The following EBF1 variants were observed in gnomAD, a reference collection of about 807,000 sequenced individuals.
The protein encoded by EBF1 is EBF transcription factor 1.
In EBF1, 10 loss-of-function variants were observed where a neutral mutation model predicts 68.4. The observed-to-expected ratio is 0.15, with a 90% CI of 0.09 to 0.25. The LOEUF is 0.25. EBF1 is among the 10% of genes least tolerant of loss of function. The pLI is 1.00. For synonymous variants in EBF1, 298 were observed against 299.8 expected, an observed-to-expected ratio of 0.99 and a Z score of 0.06; for missense variants, 509 against 794.4, an observed-to-expected ratio of 0.64 and a Z score of 4.32.
chr5:158,826,532 T>G (rs1256724933), intron 7 of EBF1, among the ~76,000 whole-genome samples: 1 of 152,348 alleles, frequency 6.6e-6, no homozygotes, highest in East Asian at 1.9e-4. Flanking sequence ...TTCTTGAAGA[T>G]GTCCAAGTTA....
intron 6 of EBF1, among the ~76,000 whole-genome samples, chr5:158,879,264 A>T (rs980405430): frequency 6.6e-6 from 1 of 152,208 alleles, no homozygotes; most frequent in African/African-American, 2.4e-5. Flanking sequence ...GAGGCATCTT[A>T]TATGTCTTCA....
intron 8 of EBF1, among the ~76,000 whole-genome samples, chr5:158,808,633 C>T (rs994122010): frequency 2.0e-5 from 3 of 152,100 alleles, no homozygotes; most frequent in Non-Finnish European, 2.9e-5. Flanking sequence ...AGACAGCCCA[C>T]CTCATAGGAT....
intron 10 of EBF1, among the ~76,000 whole-genome samples, chr5:158,760,738 C>T (rs889792290): frequency 1.3e-5 from 2 of 152,100 alleles, no homozygotes; most frequent in Non-Finnish European, 2.9e-5. Flanking sequence ...AGCAGCAAGC[C>T]GCTCGATACC....
intron 6 of EBF1, among the ~76,000 whole-genome samples, chr5:159,040,156 T>C (rs937962965): frequency 1.1e-4 from 16 of 152,266 alleles, no homozygotes; most frequent in African/African-American, 3.9e-4. Flanking sequence ...AAAACAAAGC[T>C]GACCCTGGCC....
chr5:158,971,333 T>G (rs949886694), intron 6 of EBF1, among the ~76,000 whole-genome samples: 1 of 152,184 alleles, frequency 6.6e-6, no homozygotes, highest in African/African-American at 2.4e-5. Flanking sequence ...CGGCACTGTG[T>G]GGCCAGCCCA....
At chr5:158,845,822 A>G (rs1013929366) in intron 6 of EBF1, among the ~76,000 whole-genome samples, 1 of 152,284 alleles carries the variant, frequency 6.6e-6, no homozygotes, top group African/African-American at 2.4e-5. Context: ...ATCGTGGAGA[A>G]CTCCAGCCAG....
intron 6 of EBF1, among the ~76,000 whole-genome samples, chr5:159,042,526 T>C (rs1056872696): frequency 2.6e-5 from 4 of 151,918 alleles, no homozygotes; most frequent in Admixed American, 2.0e-4. Context: ...AACAATAAAC[T>C]TCCTCCAAAC....
At chr5:158,889,735 C>T (rs963381931) in intron 6 of EBF1, among the ~76,000 whole-genome samples, 1 of 152,118 alleles carries the variant, frequency 6.6e-6, no homozygotes, top group Non-Finnish European at 1.5e-5. Flanking sequence ...AATGAGCTAC[C>T]AGCAGAGTCA....
intron 10 of EBF1, among the ~76,000 whole-genome samples, chr5:158,758,059 G>A (rs145026259): frequency 6.6e-6 from 1 of 152,142 alleles, no homozygotes; most frequent in Non-Finnish European, 1.5e-5. Flanking sequence ...TTTATCATGT[G>A]CCAAGTACTT....
At chr5:158,705,761 C>G (rs923203047) in intron 15 of EBF1, among the ~76,000 whole-genome samples, 1 of 152,218 alleles carries the variant, frequency 6.6e-6, no homozygotes, top group Non-Finnish European at 1.5e-5. Flanking sequence ...CCTAGGACCA[C>G]AGGGCATGAG....
intron 6 of EBF1, among the ~76,000 whole-genome samples, chr5:158,864,487 G>A (rs1795519746): frequency 6.6e-6 from 1 of 152,150 alleles, no homozygotes; most frequent in Non-Finnish European, 1.5e-5. Context: ...ATTCCGCAGT[G>A]TCCCTGACAA....
rs760973304 is a variant in EBF1, at chr5:158,823,274, G to A, written c.680C>T (p.Ala227Val). 1.2e-6 allele frequency: 2 copies of A among 1,613,878 alleles called. No individual in the cohort carries two copies. The highest frequency in any genetic ancestry group is 1.7e-6 in the Non-Finnish European group (2 of 1,179,870). ...ATGGACAAACATGTTATCAGAGACTGCCAGGACATGGCCATCCACATTGAC... is the reference window on the plus strand; with the variant it reads ...ATGGACAAACATGTTATCAGAGACTACCAGGACATGGCCATCCACATTGAC... Reference protein sequence around the residue: ...TTVNVDGHVLAVSDNMFVHNN... With the variant: ...TTVNVDGHVLVVSDNMFVHNN... Residue 227 changes from alanine (A) to valine (V), a missense_variant, in exon 8 of 16, where the codon GCA (alanine) becomes GTA (valine). By Grantham distance (64) the Ala-to-Val change is moderately conservative. Transcript: ENST00000313708.
rs1400034076 is a variant in EBF1, at chr5:158,707,969, T to C, written c.1744+10A>G. ...TGAATCTGGATTGGCAGGTGGGGCC[T>C]GGGGCTTACCTTGCAGGCTGTTCCC... is the stretch of plus-strand genomic sequence containing the variant. On this transcript the variant is annotated intron_variant, in intron 15 of 15. Transcript: ENST00000313708. 2.2e-5 allele frequency: 34 copies of C among 1,547,570 alleles called. No individual in the cohort carries two copies. The highest frequency in any genetic ancestry group is 2.7e-5 in the Non-Finnish European group (31 of 1,145,170).
At chr5:158,974,910 T>C (rs1386611510) in intron 6 of EBF1, among the ~76,000 whole-genome samples, 1 of 152,200 alleles carries the variant, frequency 6.6e-6, no homozygotes, top group Non-Finnish European at 1.5e-5. Context: ...GATGCACCTC[T>C]CTGTCCTGCC....
At chr5:159,055,495 T>C (rs113328197) in intron 6 of EBF1, among the ~76,000 whole-genome samples, 5,319 of 152,254 alleles carry the variant, frequency 0.035, 147 homozygotes, top group African/African-American at 0.085. Flanking sequence ...GAATGAGAAG[T>C]CCCATATCAG....
At chr5:158,761,684 G>A (rs1355768792) in intron 10 of EBF1, among the ~76,000 whole-genome samples, 1 of 152,162 alleles carries the variant, frequency 6.6e-6, no homozygotes, top group East Asian at 1.9e-4. Flanking sequence ...ATCCTGGTGA[G>A]TTAAGCTAGA....
At chr5:159,090,225 T>G (rs13168903) in intron 4 of EBF1, among the ~76,000 whole-genome samples, 70,668 of 146,278 alleles carry the variant, frequency 0.48, 18,099 homozygotes, top group African/African-American at 0.68. Flanking sequence ...CAACCACCAA[T>G]TTCTACTGTT....
intron 6 of EBF1, among the ~76,000 whole-genome samples, chr5:159,064,963 G>A (rs1167875187): frequency 8.3e-6 from 1 of 119,824 alleles, no homozygotes; most frequent in African/African-American, 3.3e-5. Context: ...ATGTGCGTAT[G>A]TGTGTGGTGT....
chr5:158,887,094 C>CT (rs1272776042), intron 6 of EBF1, among the ~76,000 whole-genome samples: 1 of 152,276 alleles, frequency 6.6e-6, no homozygotes, highest in East Asian at 1.9e-4. Flanking sequence ...AATATTCAGT[C>CT]TTTTTTGGGC....
Sources: allele counts gnomAD v4.1 joint callset (sites outside exome capture counted in the v4.1 genomes callset), GRCh38; gene constraint gnomAD v4.1.1; transcripts MANE v1.5; gene names NCBI Gene and HGNC (gene_info 2026-07-23, HGNC 2026-07-21).